LYPLAL1: variants seen among roughly 807,000 people sequenced by gnomAD.
The protein encoded by LYPLAL1 is lysophospholipase-like protein 1.
In LYPLAL1, 23 loss-of-function variants were observed where a neutral mutation model predicts 19.7. The ratio of observed to expected loss-of-function variants is 1.17; its 90% confidence interval spans 0.84 to 1.65. The LOEUF (loss-of-function observed/expected upper bound fraction) is 1.65. Among genes scored for constraint, LYPLAL1 ranks in the 40% most tolerant of loss-of-function variants. The pLI, the probability that LYPLAL1 is intolerant of heterozygous loss-of-function variation, is 0.00. For synonymous variants in LYPLAL1, 119 were observed against 96.3 expected (o/e 1.24, Z -1.38); for missense variants, 355 against 279.4 (o/e 1.27, Z -1.93).
chr1:219,197,070 A>G (rs1043230330), intron 3 of LYPLAL1, among the ~76,000 whole-genome samples: 2 of 152,232 alleles, frequency 1.3e-5, no homozygotes, highest in Non-Finnish European at 2.9e-5. Flanking sequence ...GAAGTAATTT[A>G]TAGATTCAAT....
the LYPLAL1 span, among the ~76,000 whole-genome samples, chr1:219,370,785 G>A: frequency 6.6e-6 from 1 of 152,104 alleles, no homozygotes; most frequent in Admixed American, 6.6e-5. Flanking sequence ...CAGTCTTTCT[G>A]GGCCCTTTCA....
chr1:219,370,155 TA>T, the LYPLAL1 span, among the ~76,000 whole-genome samples: 13 of 152,110 alleles, frequency 8.5e-5, no homozygotes, highest in Non-Finnish European at 1.8e-4. Context: ...GCAACTCTTG[TA>T]AAAAATACCC....
the LYPLAL1 span, among the ~76,000 whole-genome samples, chr1:219,288,077 C>T: frequency 3.3e-5 from 5 of 152,238 alleles, no homozygotes; most frequent in Middle Eastern, 6.8e-3. Flanking sequence ...AGTGTGAGAA[C>T]GGGCTAATAC....
the LYPLAL1 span, among the ~76,000 whole-genome samples, chr1:219,403,177 C>T: frequency 6.6e-6 from 1 of 152,210 alleles, no homozygotes; most frequent in Non-Finnish European, 1.5e-5. Context: ...TCAGTGAAAA[C>T]TTGGGTGCAT....
chr1:219,356,112 G>T, the LYPLAL1 span, among the ~76,000 whole-genome samples: 1 of 152,014 alleles, frequency 6.6e-6, no homozygotes, highest in Non-Finnish European at 1.5e-5. Flanking sequence ...AAATAAAATT[G>T]TTAGATGAAA....
At chr1:219,210,471 T>A in intron 3 of LYPLAL1, 61 bp from the exon 4 acceptor site, 1 of 1,110,440 alleles carries the variant, frequency 9.0e-7, no homozygotes. Context: ...AAAATTGTTA[T>A]ATATCATATC....
At chr1:219,210,481 C>A (rs1165027487) in intron 3 of LYPLAL1, 51 bp from the exon 4 acceptor site, 2 of 1,162,958 alleles carry the variant, frequency 1.7e-6, no homozygotes, top group African/African-American at 3.2e-5. Context: ...TATATCATAT[C>A]CTAAATTATT....
the LYPLAL1 span, among the ~76,000 whole-genome samples, chr1:219,289,186 C>T: frequency 6.8e-6 from 1 of 148,066 alleles, no homozygotes; most frequent in Non-Finnish European, 1.5e-5. Context: ...AAAAAGGAGG[C>T]GGCAGAGAAA....
chr1:219,325,348 T>G, the LYPLAL1 span, among the ~76,000 whole-genome samples: 1 of 152,168 alleles, frequency 6.6e-6, no homozygotes, highest in Non-Finnish European at 1.5e-5. Context: ...GCTACAACAT[T>G]GTTAAGTCGT....
At chr1:219,362,406 C>T in the LYPLAL1 span, among the ~76,000 whole-genome samples, 1 of 152,108 alleles carries the variant, frequency 6.6e-6, no homozygotes, top group Non-Finnish European at 1.5e-5. Flanking sequence ...ATGGAAAGAA[C>T]TTATCAGAGT....
the LYPLAL1 span, among the ~76,000 whole-genome samples, chr1:219,374,135 G>GGTTTTT: frequency 6.7e-6 from 1 of 149,362 alleles, no homozygotes; most frequent in Non-Finnish European, 1.5e-5. Context: ...GTTTTGTGTG[G>GGTTTTT]ATTTTTTTTT....
the LYPLAL1 span, among the ~76,000 whole-genome samples, chr1:219,387,697 T>C: frequency 6.6e-6 from 1 of 152,218 alleles, no homozygotes; most frequent in Admixed American, 6.5e-5. Flanking sequence ...AATTCACAGA[T>C]GCTTAGAATC....
At chr1:219,192,774 C>T (rs1262488659) in intron 2 of LYPLAL1, among the ~76,000 whole-genome samples, 1 of 151,440 alleles carries the variant, frequency 6.6e-6, no homozygotes, top group African/African-American at 2.4e-5. Flanking sequence ...AACATAGTAT[C>T]CCAGAGCATG....
chr1:219,342,493 G>C, the LYPLAL1 span, among the ~76,000 whole-genome samples: 19 of 152,084 alleles, frequency 1.2e-4, no homozygotes, highest in Admixed American at 1.1e-3. Context: ...TACTGCTGTT[G>C]TTATGAGCAA....
the LYPLAL1 span, among the ~76,000 whole-genome samples, chr1:219,387,114 TTC>T: frequency 2.0e-5 from 3 of 152,152 alleles, no homozygotes; most frequent in Non-Finnish European, 2.9e-5. Flanking sequence ...CCAGTCTCTC[TTC>T]CCCTTCTCCC....
the LYPLAL1 span, among the ~76,000 whole-genome samples, chr1:219,354,408 C>T: frequency 6.6e-6 from 1 of 152,132 alleles, no homozygotes; most frequent in Non-Finnish European, 1.5e-5. Flanking sequence ...GATGGCCAGA[C>T]TGGTCTCGAA....
At chr1:219,278,592 T>C in the LYPLAL1 span, among the ~76,000 whole-genome samples, 1 of 152,210 alleles carries the variant, frequency 6.6e-6, no homozygotes. Context: ...TCTTACCCAC[T>C]GTACTTTATT....
At chr1:219,432,063 CT>C in the LYPLAL1 span, among the ~76,000 whole-genome samples, 1 of 152,156 alleles carries the variant, frequency 6.6e-6, no homozygotes, top group Non-Finnish European at 1.5e-5. Context: ...CTTTCAGCTG[CT>C]TTGATTTAAG....
At chr1:219,323,418 AG>A in the LYPLAL1 span, among the ~76,000 whole-genome samples, 2 of 152,190 alleles carry the variant, frequency 1.3e-5, no homozygotes, top group Non-Finnish European at 2.9e-5. Context: ...GAGGTTAGGG[AG>A]GAAGGGGCTG....
Sources: gnomAD v4.1 joint callset for allele counts (sites outside exome capture counted in the v4.1 genomes callset) on GRCh38, gnomAD v4.1.1 for gene constraint, MANE v1.5 for transcripts, NCBI Gene and HGNC (gene_info 2026-07-23, HGNC 2026-07-21) for gene names.